EYS: variants seen among roughly 807,000 people sequenced by gnomAD.
EYS encodes EGF-like photoreceptor maintenance factor.
In EYS, 250 loss-of-function variants were observed where a neutral mutation model predicts 282.1. The observed-to-expected ratio is 0.89, with a 90% CI of 0.80 to 0.98. The LOEUF (loss-of-function observed/expected upper bound fraction) is 0.98. Ranked by LOEUF, EYS falls within the 50% of genes least tolerant of loss-of-function variation. EYS has a pLI of 0.00. For missense variants in EYS, 4,016 were observed against 3,709.0 expected (o/e 1.08, Z -2.15); for synonymous variants, 1,355 against 1,282.9 (o/e 1.06, Z -1.20).
intron 2 of EYS, among the ~76,000 whole-genome samples, chr6:65,623,300 A>G (rs1200991726): frequency 2.0e-5 from 3 of 152,172 alleles, no homozygotes; most frequent in African/African-American, 7.2e-5. Context: ...AGGAACTAAC[A>G]TGAAAAACAT....
chr6:65,381,790 G>T (rs932614996), intron 8 of EYS, among the ~76,000 whole-genome samples: 1 of 150,828 alleles, frequency 6.6e-6, no homozygotes, highest in Non-Finnish European at 1.5e-5. Flanking sequence ...ATATAGTTTT[G>T]CATGAAGAAA....
chr6:65,191,979 A>G (rs1765653225), intron 12 of EYS, among the ~76,000 whole-genome samples: 1 of 151,668 alleles, frequency 6.6e-6, no homozygotes, highest in African/African-American at 2.4e-5. Context: ...AAAGACTTCC[A>G]AAATATCTAT....
At chr6:64,024,861 TAA>T (rs1280174679) in intron 33 of EYS, among the ~76,000 whole-genome samples, 1 of 152,108 alleles carries the variant, frequency 6.6e-6, no homozygotes, top group Non-Finnish European at 1.5e-5. Context: ...CGCGCCACCC[TAA>T]GAGTTGTAAC....
intron 24 of EYS, among the ~76,000 whole-genome samples, chr6:64,596,888 A>C (rs1766603469): frequency 1.3e-5 from 2 of 152,224 alleles, no homozygotes; most frequent in South Asian, 4.1e-4. Context: ...GAGCTTCTGC[A>C]TAGAAAAGGA....
intron 35 of EYS, among the ~76,000 whole-genome samples, chr6:63,949,686 T>C (rs1765510430): frequency 6.6e-6 from 1 of 152,204 alleles, no homozygotes; most frequent in Admixed American, 6.5e-5. Context: ...TTATTCTCAT[T>C]CTTCTGGGAA....
intron 35 of EYS, among the ~76,000 whole-genome samples, chr6:63,884,422 A>G (rs1436938564): frequency 2.0e-5 from 3 of 152,154 alleles, no homozygotes; most frequent in African/African-American, 2.4e-5. Flanking sequence ...GAGAGAGGGT[A>G]TGTACTATCA....
Position 65,495,906 on chromosome 6 carries a change from AAC to A in EYS, c.-247_-246del. 1.2e-5 allele frequency: 2 copies of A among 160,466 alleles called. No homozygotes were observed. The highest frequency in any genetic ancestry group is 6.6e-3 in the Middle Eastern group (2 of 304). 9.9% of individuals were successfully genotyped at this position (160,466 alleles called of 1,614,324 possible). On this transcript the variant is annotated 5_prime_UTR_variant, in exon 3 of 43. Coordinates refer to ENST00000503581, the MANE Select transcript of EYS (RefSeq NM_001142800.2). ...TTACACCAAGCTTCAATCTAATCAAAACACAGCACAGCCAAGATTCTTTTACA... is the reference window on the plus strand; with the variant it reads ...TTACACCAAGCTTCAATCTAATCAAAACAGCACAGCCAAGATTCTTTTACA...
At chr6:63,911,515 T>G (rs1764248778) in intron 35 of EYS, among the ~76,000 whole-genome samples, 1 of 152,232 alleles carries the variant, frequency 6.6e-6, no homozygotes, top group African/African-American at 2.4e-5. Flanking sequence ...TGGGTTTTAT[T>G]CATATTATTT....
intron 33 of EYS, among the ~76,000 whole-genome samples, chr6:64,041,167 C>T (rs1770371115): frequency 6.6e-6 from 1 of 151,968 alleles, no homozygotes; most frequent in Admixed American, 6.6e-5. Flanking sequence ...ATAGACTCTG[C>T]TGATTCTGAC....
chr6:65,613,825 A>G (rs1766088122), intron 2 of EYS, among the ~76,000 whole-genome samples: 1 of 151,954 alleles, frequency 6.6e-6, no homozygotes, highest in Non-Finnish European at 1.5e-5. Context: ...CATTTGTAAT[A>G]TGATTTCCTA....
chr6:65,159,299 C>G (rs1320970546), intron 12 of EYS, among the ~76,000 whole-genome samples: 1 of 150,828 alleles, frequency 6.6e-6, no homozygotes, highest in South Asian at 2.1e-4. Flanking sequence ...CCTTCTGGTT[C>G]TATCATCCAG....
At chr6:64,843,491 T>C (rs1177982905) in intron 19 of EYS, among the ~76,000 whole-genome samples, 7 of 152,198 alleles carry the variant, frequency 4.6e-5, no homozygotes, top group African/African-American at 1.2e-4. Flanking sequence ...ATGTGAGACA[T>C]GGAGTCAAAG....
intron 4 of EYS, 77 bp downstream of exon 4, chr6:65,494,586 T>A (rs1766166539): frequency 2.2e-6 from 3 of 1,362,322 alleles, no homozygotes; most frequent in Non-Finnish European, 3.0e-6. Context: ...TAAAATGTAC[T>A]TTGATTTCTG....
At chr6:63,909,379 C>T (rs1386247222) in intron 35 of EYS, among the ~76,000 whole-genome samples, 1 of 152,076 alleles carries the variant, frequency 6.6e-6, no homozygotes, top group Non-Finnish European at 1.5e-5. Context: ...TTACTAGGCC[C>T]ACATATAAGA....
chr6:64,385,669 A>G (rs1351159126), intron 29 of EYS, among the ~76,000 whole-genome samples: 2 of 152,060 alleles, frequency 1.3e-5, no homozygotes, highest in Non-Finnish European at 2.9e-5. Flanking sequence ...CAATTTCAAA[A>G]CTCTGTCCTC....
intron 2 of EYS, among the ~76,000 whole-genome samples, chr6:65,498,502 T>G (rs1200721721): frequency 1.3e-5 from 2 of 152,036 alleles, no homozygotes; most frequent in Non-Finnish European, 2.9e-5. Context: ...TTAGACTGAC[T>G]GCAGATGTGA....
intron 13 of EYS, among the ~76,000 whole-genome samples, chr6:65,036,489 T>A (rs751399092): frequency 6.6e-6 from 1 of 151,594 alleles, no homozygotes; most frequent in Non-Finnish European, 1.5e-5. Context: ...AAATGGCACT[T>A]AATTAAAGAG....
At chr6:64,186,691 G>C (rs996170536) in intron 31 of EYS, among the ~76,000 whole-genome samples, 2 of 152,110 alleles carry the variant, frequency 1.3e-5, no homozygotes, top group Non-Finnish European at 2.9e-5. Context: ...AAGCTGTCTA[G>C]ACAGAGGTAG....
At chr6:65,420,365 G>A (rs368402413) in intron 5 of EYS, among the ~76,000 whole-genome samples, 6 of 149,162 alleles carry the variant, frequency 4.0e-5, no homozygotes, top group South Asian at 2.1e-4. Context: ...TTGCTCATTC[G>A]TAAGAAACAA....
Sources: allele counts gnomAD v4.1 joint callset (sites outside exome capture counted in the v4.1 genomes callset), GRCh38; gene constraint gnomAD v4.1.1; transcripts MANE v1.5; gene names NCBI Gene and HGNC (gene_info 2026-07-23, HGNC 2026-07-21).